The following ONECUT3 variants were observed in gnomAD, a reference collection of about 807,000 sequenced individuals.
ONECUT3 encodes the protein one cut domain family member 3.
Under a neutral mutation model 16.8 loss-of-function variants are expected in ONECUT3, and 11 were observed. The observed-to-expected ratio is 0.66, with a 90% CI of 0.41 to 1.09. The LOEUF (loss-of-function observed/expected upper bound fraction) is 1.09. Among genes scored for constraint, ONECUT3 ranks in the 50% least tolerant of loss-of-function variants. The pLI is 0.00. For synonymous variants in ONECUT3, 344 were observed against 310.7 expected, an observed-to-expected ratio of 1.11 and a Z score of -1.13; for missense variants, 637 against 629.9, an observed-to-expected ratio of 1.01 and a Z score of -0.12.
At chr19:1,763,696 C>T (rs1018336430) in intron 1 of ONECUT3, among the ~76,000 whole-genome samples, 13 of 151,390 alleles carry the variant, frequency 8.6e-5, no homozygotes, top group African/African-American at 2.4e-4. Flanking sequence ...CAAAAGGCTG[C>T]GCTCCAGGGA....
At position 1,775,163 on chromosome 19, in the gene ONECUT3, C is replaced by CA. The variant is rs1278859668; in HGVS notation, c.1205dup (p.Glu403GlyfsTer73). ...GCCGCTCGCCCGCAGCCTGCAAGCGCAAGGAACAGGAGCAGCAGAAGGAGC... is the reference window on the plus strand; with the variant it reads ...GCCGCTCGCCCGCAGCCTGCAAGCGCAAAGGAACAGGAGCAGCAGAAGGAGC... On this transcript the variant is annotated frameshift_variant, in exon 2 of 2. Coordinates refer to ENST00000382349, the MANE Select transcript of ONECUT3 (RefSeq NM_001080488.2). LOFTEE classifies it high-confidence loss of function. 7.0e-7 allele frequency: 1 copy of CA among 1,434,340 alleles called. No individual in the cohort carries two copies. The highest frequency in any genetic ancestry group is 9.3e-7 in the Non-Finnish European group (1 of 1,073,196). The allele number at this position is 1,434,340 out of a possible 1,614,324, so 88.9% of individuals were successfully genotyped here. A position where few individuals can be genotyped will look rare whatever the true frequency, so the allele number is the denominator to read the frequency against.
chr19:1,754,761 A>C lies in ONECUT3; in HGVS notation c.1099A>C (p.Ser367Arg), dbSNP rs780685084. ...CCTGCTGCGCAACCCCAAGCCGTGG[A>C]GCAAGCTCAAATCCGGCCGCGAGAC... ...SDLLRNPKPW[S>R]KLKSGRETFR... The change falls in exon 1 of 2, where the codon AGC becomes CGC. Residue 367 changes from serine to arginine, a missense_variant. Coordinates refer to ENST00000382349, the MANE Select transcript of ONECUT3 (RefSeq NM_001080488.2). This position sits in a 1 kb window ranked among gnomAD's most constrained non-coding sequence, Gnocchi z 7.4. 1 of 1,572,720 alleles carries C rather than the reference A, an allele frequency of 6.4e-7. No homozygotes were observed. Among genetic ancestry groups the C allele is most frequent in the South Asian group, 1.2e-5 (1 of 84,572 alleles).
At chr19:1,769,890 C>T (rs1302523652) in intron 1 of ONECUT3, among the ~76,000 whole-genome samples, 1 of 152,124 alleles carries the variant, frequency 6.6e-6, no homozygotes, top group Non-Finnish European at 1.5e-5. Flanking sequence ...CCTCCCCCAG[C>T]CTCTGCCTCT....
At chr19:1,771,593 G>T (rs2068055477) in intron 1 of ONECUT3, among the ~76,000 whole-genome samples, 1 of 152,114 alleles carries the variant, frequency 6.6e-6, no homozygotes, top group Non-Finnish European at 1.5e-5. Flanking sequence ...CGCTTTTTAG[G>T]ATTTTCTCTT....
Position 1,775,478 on chromosome 19 carries a change from C to CACACCT in ONECUT3, c.*33_*34insACACCT. The CACACCT allele has an allele frequency of 7.0e-7, 1 of 1,432,286 alleles. No homozygotes were observed. Among genetic ancestry groups the CACACCT allele is most frequent in the Non-Finnish European group, 9.1e-7 (1 of 1,101,030 alleles). 88.7% of individuals were successfully genotyped at this position (1,432,286 alleles called of 1,614,324 possible). A position where few individuals can be genotyped will look rare whatever the true frequency, so the allele number is the denominator to read the frequency against. The stretch of plus-strand genomic sequence containing the variant: ...CGGCCCCGCGCCCTCCCTGCCTCCA[C>CACACCT]GGCCTGGGCGCTGTGCCCCCACGTC... On this transcript the variant is annotated 3_prime_UTR_variant, in exon 2 of 2. Transcript: ENST00000382349.
At position 1,777,157 on chromosome 19, in the gene ONECUT3, T is replaced by A. The variant is rs1449727938; in HGVS notation, c.*1712T>A. On this transcript the variant is annotated 3_prime_UTR_variant, in exon 2 of 2. Coordinates refer to ENST00000382349, the MANE Select transcript of ONECUT3 (RefSeq NM_001080488.2). ...TTCTCTTGTCCTTATCGACTTGCTC[T>A]GCTCCCAGCTTTCCAAGCGACCGGA... 1 of 152,354 alleles carries A rather than the reference T, an allele frequency of 6.6e-6. No homozygotes were observed. The highest frequency in any genetic ancestry group is 1.9e-4 in the East Asian group (1 of 5,202). 9.4% of individuals were successfully genotyped at this position (152,354 alleles called of 1,614,324 possible).
intron 1 of ONECUT3, among the ~76,000 whole-genome samples, chr19:1,771,788 T>C (rs1407058038): frequency 1.3e-5 from 2 of 151,770 alleles, no homozygotes; most frequent in Non-Finnish European, 2.9e-5. Flanking sequence ...CAAATGATCC[T>C]CCTACCTCAG....
intron 1 of ONECUT3, among the ~76,000 whole-genome samples, chr19:1,774,950 C>G (rs2068090945): frequency 1.3e-5 from 2 of 152,244 alleles, no homozygotes; most frequent in Admixed American, 1.3e-4. Flanking sequence ...CCTGTGTTCC[C>G]CGCTGTCTCC....
intron 1 of ONECUT3, among the ~76,000 whole-genome samples, chr19:1,760,424 G>A (rs148981973): frequency 0.015 from 2,208 of 152,072 alleles, 32 homozygotes; most frequent in Non-Finnish European, 0.023. Context: ...GGGACCGGCG[G>A]GGGGGCGGGG....
rs1355491341 is a variant in ONECUT3 at position 1,755,736 on chromosome 19, G to A, written c.1192+882G>A. 6.6e-6 allele frequency among the ~76,000 whole-genome samples: 1 copy of A among 152,090 alleles called. No individual in the cohort carries two copies. The highest frequency in any genetic ancestry group is 1.5e-5 in the Non-Finnish European group (1 of 68,024). ...TTCCTGCTCATTATCTCTTCTCCCT[G>A]TCGGTCTCTCCGCCTCTGTCTCTGT... On this transcript the variant is annotated intron_variant, in intron 1 of 1. Coordinates refer to ENST00000382349, the MANE Select transcript of ONECUT3 (RefSeq NM_001080488.2). The surrounding 1 kb of genome is among the most constrained non-coding windows in gnomAD (Gnocchi z 7.5).
rs1382357505 is a variant in ONECUT3 at position 1,758,518 on chromosome 19, C to A, written c.1192+3664C>A. The stretch of plus-strand genomic sequence containing the variant: ...ACCTCGGAGTCCCGGCCCCACTGCC[C>A]GTTCTGCGTGCCTCAGTTTACCCAT... On this transcript the variant is annotated intron_variant, in intron 1 of 1. Transcript: ENST00000382349. The surrounding 1 kb of genome is among the most constrained non-coding windows in gnomAD (Gnocchi z 5.9). Among the ~76,000 whole-genome samples the A allele has an allele frequency of 2.6e-5, 4 of 152,158 alleles. No individual in the cohort carries two copies. Among genetic ancestry groups the A allele is most frequent in the Non-Finnish European group, 5.9e-5 (4 of 68,028 alleles).
intron 1 of ONECUT3, 27 bp from the exon 2 acceptor site, chr19:1,775,126 G>GGGCGCCCCCCCCCC: frequency 8.7e-7 from 1 of 1,143,900 alleles, no homozygotes; most frequent in Non-Finnish European, 1.2e-6. Context: ...TGTCCCGCTC[G>GGGCGCCCCCCCCCC]CCCGCCCGCC....
At chr19:1,771,988 ATTAT>A (rs61311263) in intron 1 of ONECUT3, among the ~76,000 whole-genome samples, 13,539 of 141,298 alleles carry the variant, frequency 0.096, 792 homozygotes, top group African/African-American at 0.16. Flanking sequence ...CTATTTAGTT[ATTAT>A]TTATTTATTT....
In ONECUT3 at chr19:1,762,038, C is replaced by T. The variant is rs1364765031; in HGVS notation, c.1192+7184C>T. 2.0e-5 allele frequency among the ~76,000 whole-genome samples: 3 copies of T among 152,126 alleles called. No homozygotes were observed. The highest frequency in any genetic ancestry group is 2.9e-5 in the Non-Finnish European group (2 of 68,000). On this transcript the variant is annotated intron_variant, in intron 1 of 1. Transcript: ENST00000382349. The surrounding 1 kb of genome is among the most constrained non-coding windows in gnomAD (Gnocchi z 4.4). ...CCGGAGACACGTGTGTAGACGCCTC[C>T]GTTCACACTGGGACGAGTGCAGACT...
intron 1 of ONECUT3, among the ~76,000 whole-genome samples, chr19:1,768,503 C>T (rs2068014963): frequency 6.6e-6 from 1 of 152,132 alleles, no homozygotes; most frequent in East Asian, 1.9e-4. Flanking sequence ...GGACTGAGGC[C>T]TCCAAGGGAA....
In ONECUT3 at chr19:1,762,508, C is replaced by G. The variant is rs1352794570; in HGVS notation, c.1192+7654C>G. Among the ~76,000 whole-genome samples the G allele has an allele frequency of 3.3e-5, 5 of 152,254 alleles. No individual in the cohort carries two copies. Among genetic ancestry groups the G allele is most frequent in the Non-Finnish European group, 7.3e-5 (5 of 68,036 alleles). On this transcript the variant is annotated intron_variant, in intron 1 of 1. Transcript: ENST00000382349. This position sits in a 1 kb window ranked among gnomAD's most constrained non-coding sequence, Gnocchi z 4.4. ...CCAGCAAACGCCGTCCCGCAGCACC[C>G]GGGAAGCTGCGGAGTCGGGCTGGGG...
intron 1 of ONECUT3, among the ~76,000 whole-genome samples, chr19:1,763,725 C>CT (rs1353515219): frequency 1.1e-4 from 14 of 122,636 alleles, no homozygotes; most frequent in East Asian, 5.0e-4. Flanking sequence ...TTTTATTTCC[C>CT]TTTTTTGTTT....
chr19:1,764,154 C>T lies in ONECUT3; in HGVS notation c.1192+9300C>T, dbSNP rs550480012. 6.6e-6 allele frequency among the ~76,000 whole-genome samples: 1 copy of T among 152,142 alleles called. No individual in the cohort carries two copies. The highest frequency in any genetic ancestry group is 1.5e-5 in the Non-Finnish European group (1 of 68,034). On this transcript the variant is annotated intron_variant, in intron 1 of 1. Transcript: ENST00000382349. This position sits in a 1 kb window ranked among gnomAD's most constrained non-coding sequence, Gnocchi z 5.0. ...CCGTAACATTTTTTTTAAAAATCAA[C>T]GCCTTGTGCGTGCGTGTGTTTGCCC... is the stretch of plus-strand genomic sequence containing the variant.
In ONECUT3 at chr19:1,762,943, G is replaced by T. The variant is rs568874225; in HGVS notation, c.1192+8089G>T. On this transcript the variant is annotated intron_variant, in intron 1 of 1. Transcript: ENST00000382349. This position sits in a 1 kb window ranked among gnomAD's most constrained non-coding sequence, Gnocchi z 4.4. ...AAAATATTCTACATTCTTTTGGCCC[G>T]GCGGGGAGGCTCAAACCTGTAGTCC... Among the ~76,000 whole-genome samples the T allele has an allele frequency of 6.6e-6, 1 of 152,196 alleles. No homozygotes were observed. Among genetic ancestry groups the T allele is most frequent in the Non-Finnish European group, 1.5e-5 (1 of 68,044 alleles).
Sources: gnomAD v4.1 joint callset for allele counts (sites outside exome capture counted in the v4.1 genomes callset) on GRCh38, gnomAD v4.1.1 for gene constraint, Gnocchi (gnomAD v3.1) non-coding constraint, MANE v1.5 for transcripts, NCBI Gene and HGNC (gene_info 2026-07-23, HGNC 2026-07-21) for gene names.